Variants in PPP3R1 observed in about 807,000 individuals in gnomAD.
PPP3R1 encodes the protein protein phosphatase 3 regulatory subunit B, alpha.
In PPP3R1, 5 loss-of-function variants were observed where a neutral mutation model predicts 22.6. The observed-to-expected ratio is 0.22, with a 90% CI of 0.12 to 0.46. PPP3R1 has a LOEUF of 0.46. Among genes scored for constraint, PPP3R1 ranks in the 20% least tolerant of loss-of-function variants. PPP3R1 has a pLI of 0.99. For missense variants in PPP3R1, 61 were observed against 203.2 expected, an observed-to-expected ratio of 0.30 and a Z score of 4.25; for synonymous variants, 56 against 65.2, an observed-to-expected ratio of 0.86 and a Z score of 0.68.
intron 1 of PPP3R1, among the ~76,000 whole-genome samples, chr2:68,248,742 C>A (rs1447438155): frequency 6.6e-6 from 1 of 152,208 alleles, no homozygotes; most frequent in Non-Finnish European, 1.5e-5. Flanking sequence ...CAACGCTGAT[C>A]TTTTTAGACC....
chr2:68,242,261 T>C (rs909027362), intron 1 of PPP3R1, among the ~76,000 whole-genome samples: 1 of 152,046 alleles, frequency 6.6e-6, no homozygotes, highest in African/African-American at 2.4e-5. Context: ...ACCCTGTCTC[T>C]ACTAAAAATA....
chr2:68,222,102 G>T (rs1315419365), intron 1 of PPP3R1, among the ~76,000 whole-genome samples: 1 of 152,112 alleles, frequency 6.6e-6, no homozygotes, highest in Non-Finnish European at 1.5e-5. Flanking sequence ...ATGTTTAAAT[G>T]TCTTTAAAAT....
At chr2:68,201,405 G>C (rs1558632109) in intron 2 of PPP3R1, among the ~76,000 whole-genome samples, 1 of 151,912 alleles carries the variant, frequency 6.6e-6, no homozygotes, top group Non-Finnish European at 1.5e-5. Context: ...GCATCCCCCA[G>C]TTTCTTTTTT....
At chr2:68,187,694 CA>C (rs537931977) in intron 3 of PPP3R1, among the ~76,000 whole-genome samples, 20 of 152,264 alleles carry the variant, frequency 1.3e-4, no homozygotes, top group Admixed American at 1.2e-3. Context: ...CCTTCTGTTT[CA>C]AAATTGTGAA....
Position 68,246,067 on chromosome 2 carries a change from CTTTTTTTT to C in PPP3R1, c.3+6050_3+6057del, listed in dbSNP as rs746584723. On this transcript the variant is annotated intron_variant, in intron 1 of 5. Coordinates refer to ENST00000234310, the MANE Select transcript of PPP3R1 (RefSeq NM_000945.4). ...CTTTTTACTGACTTTTTCTTTCTTT[CTTTTTTTT>C]TTTTTTTTTTTTTTTTTGAGACAGA... Among the ~76,000 whole-genome samples, 64 of 73,810 alleles carry C rather than the reference CTTTTTTTT, an allele frequency of 8.7e-4. 1 individual carries two copies. Among genetic ancestry groups the C allele is most frequent in the Middle Eastern group, 0.01 (1 of 100 alleles). 48.4% of individuals were successfully genotyped at this position (73,810 alleles called of 152,430 possible).
chr2:68,188,846 A>G (rs1276199255), intron 2 of PPP3R1, among the ~76,000 whole-genome samples, 156 bp from the exon 3 acceptor site: 1 of 152,204 alleles, frequency 6.6e-6, no homozygotes, highest in Non-Finnish European at 1.5e-5. Context: ...ATTTGATAAA[A>G]AGAGGTATAT....
chr2:68,181,620 C>G (rs1674405138), intron 5 of PPP3R1, among the ~76,000 whole-genome samples: 1 of 142,686 alleles, frequency 7.0e-6, no homozygotes, highest in Admixed American at 7.0e-5. Context: ...CAAAACAACA[C>G]TTCAGGTAAA....
chr2:68,252,473 G>C lies in PPP3R1; in HGVS notation c.-346C>G, dbSNP rs1670391553. 1 of 987,538 alleles carries C rather than the reference G, an allele frequency of 1.0e-6. No homozygotes were observed. Among genetic ancestry groups the C allele is most frequent in the Non-Finnish European group, 1.2e-6 (1 of 832,274 alleles). The allele number at this position is 987,538 out of a possible 1,614,324, so 61.2% of individuals were successfully genotyped here. ...ACTCGGGGGCTGCAGCCTCGCGCTC[G>C]CGCCGGAGCCGTGACGGACTCACTG... On this transcript the variant is annotated 5_prime_UTR_variant, in exon 1 of 6. Transcript: ENST00000234310.
Position 68,179,963 on chromosome 2 carries a change from AAC to A in PPP3R1, c.*998_*999del, listed in dbSNP as rs1249976669. On this transcript the variant is annotated 3_prime_UTR_variant, in exon 6 of 6. Transcript: ENST00000234310. ...TTGAAACAAGGGAATTCATGATTCAAACACAAGTTTAATGACAAATTATTTAC... is the reference window on the plus strand; with the variant it reads ...TTGAAACAAGGGAATTCATGATTCAAACAAGTTTAATGACAAATTATTTAC... 1.3e-5 allele frequency: 2 copies of A among 152,358 alleles called. No individual in the cohort carries two copies. Among genetic ancestry groups the A allele is most frequent in the Non-Finnish European group, 2.9e-5 (2 of 68,036 alleles). The allele number at this position is 152,358 out of a possible 1,614,324, so 9.4% of individuals were successfully genotyped here. A position where few individuals can be genotyped will look rare whatever the true frequency, so the allele number is the denominator to read the frequency against.
chr2:68,212,168 C>T (rs1367487602), intron 2 of PPP3R1, among the ~76,000 whole-genome samples: 2 of 152,184 alleles, frequency 1.3e-5, no homozygotes, highest in Non-Finnish European at 2.9e-5. Context: ...GCAACCTCCA[C>T]CTCAGGAGTT....
intron 2 of PPP3R1, among the ~76,000 whole-genome samples, chr2:68,213,827 C>T (rs1363371877): frequency 6.6e-6 from 1 of 152,182 alleles, no homozygotes; most frequent in African/African-American, 2.4e-5. Flanking sequence ...TTAGAAAAAA[C>T]TATTTTAAAA....
At chr2:68,210,778 C>A (rs1669462321) in intron 2 of PPP3R1, among the ~76,000 whole-genome samples, 1 of 152,164 alleles carries the variant, frequency 6.6e-6, no homozygotes, top group African/African-American at 2.4e-5. Context: ...ACAGTTTGGC[C>A]ATCCCAAATC....
At chr2:68,194,668 T>C (rs1674732981) in intron 2 of PPP3R1, among the ~76,000 whole-genome samples, 1 of 152,138 alleles carries the variant, frequency 6.6e-6, no homozygotes, top group Non-Finnish European at 1.5e-5. Context: ...AAGCTGCTAT[T>C]CAACTGTTGG....
intron 2 of PPP3R1, among the ~76,000 whole-genome samples, chr2:68,198,258 TATAC>T (rs1298952602): frequency 9.5e-5 from 14 of 146,738 alleles, no homozygotes; most frequent in Non-Finnish European, 1.2e-4. Context: ...CATACATATG[TATAC>T]ATACATATGT....
intron 1 of PPP3R1, among the ~76,000 whole-genome samples, chr2:68,220,788 T>C (rs55801147): frequency 6.6e-6 from 1 of 151,928 alleles, no homozygotes; most frequent in Non-Finnish European, 1.5e-5. Context: ...TCCATTTATA[T>C]GAAATATACT....
intron 5 of PPP3R1, among the ~76,000 whole-genome samples, chr2:68,182,729 CAA>C (rs148908840): frequency 1.4e-4 from 15 of 104,572 alleles, no homozygotes; most frequent in Admixed American, 3.0e-4. Flanking sequence ...CACTCCCTCT[CAA>C]AAAAAAAAAA....
chr2:68,188,435 T>C (rs116495158), intron 3 of PPP3R1, 79 bp downstream of exon 3: 1 of 1,171,870 alleles, frequency 8.5e-7, no homozygotes, highest in Non-Finnish European at 1.2e-6. Context: ...TAAGCACTTT[T>C]TTTTTTTTTT....
chr2:68,229,522 G>A (rs893246917), intron 1 of PPP3R1, among the ~76,000 whole-genome samples: 1 of 152,096 alleles, frequency 6.6e-6, no homozygotes, highest in South Asian at 2.1e-4. Context: ...TTGGACTTGT[G>A]TATTTCTCTT....
At chr2:68,247,927 A>AT (rs1670266974) in intron 1 of PPP3R1, among the ~76,000 whole-genome samples, 1 of 152,188 alleles carries the variant, frequency 6.6e-6, no homozygotes, top group South Asian at 2.1e-4. Context: ...CATCTATCCT[A>AT]TTATCCACCC....
Sources: allele counts gnomAD v4.1 joint callset (sites outside exome capture counted in the v4.1 genomes callset), GRCh38; gene constraint gnomAD v4.1.1; transcripts MANE v1.5; gene names NCBI Gene and HGNC (gene_info 2026-07-23, HGNC 2026-07-21).